Variants in ALPL observed in about 807,000 individuals in gnomAD.
The protein encoded by ALPL is alkaline phosphatase, biomineralization associated.
ALPL carries 42 observed loss-of-function variants against 51.3 expected under a neutral mutation model. That is an observed-to-expected ratio of 0.82 (90% confidence interval 0.64 to 1.06). ALPL has a LOEUF of 1.06. ALPL is among the 50% of genes least tolerant of loss of function. ALPL has a pLI of 0.00. For missense variants in ALPL, 589 were observed against 709.4 expected (o/e 0.83, Z 1.93); for synonymous variants, 279 against 296.4 (o/e 0.94, Z 0.60).
chr1:21,510,442 G>T (rs1205894278), intron 1 of ALPL, among the ~76,000 whole-genome samples: 1 of 152,202 alleles, frequency 6.6e-6, no homozygotes, highest in East Asian at 1.9e-4. Context: ...AAGTCAGACC[G>T]CTCAGGTGGG....
chr1:21,567,381 C>G (rs920094171), intron 6 of ALPL, among the ~76,000 whole-genome samples: 1 of 145,276 alleles, frequency 6.9e-6, no homozygotes, highest in Non-Finnish European at 1.5e-5. Flanking sequence ...GTCCGTCTGC[C>G]CGCACACACC....
chr1:21,568,910 C>T (rs905322693), intron 7 of ALPL, among the ~76,000 whole-genome samples: 4 of 152,176 alleles, frequency 2.6e-5, no homozygotes, highest in African/African-American at 9.7e-5. Flanking sequence ...GCCTCTGGCC[C>T]TTTAAATCTG....
chr1:21,560,230 A>G (rs1431420069), intron 2 of ALPL, among the ~76,000 whole-genome samples: 1 of 152,208 alleles, frequency 6.6e-6, no homozygotes. Flanking sequence ...TAGGTTAAAC[A>G]TTACTCTCTT....
intron 1 of ALPL, among the ~76,000 whole-genome samples, chr1:21,531,845 C>T (rs1644034562): frequency 6.6e-6 from 1 of 152,186 alleles, no homozygotes; most frequent in Non-Finnish European, 1.5e-5. Flanking sequence ...GTAATATTCT[C>T]TCCACCCTAA....
chr1:21,509,892 C>T lies in ALPL; in HGVS notation c.-105+375C>T, dbSNP rs1323987351. 6.6e-6 allele frequency among the ~76,000 whole-genome samples: 1 copy of T among 152,180 alleles called. No homozygotes were observed. The highest frequency in any genetic ancestry group is 1.5e-5 in the Non-Finnish European group (1 of 68,024). On this transcript the variant is annotated intron_variant, in intron 1 of 11. Coordinates refer to ENST00000374840, the MANE Select transcript of ALPL (RefSeq NM_000478.6). The surrounding 1 kb of genome is among the most constrained non-coding windows in gnomAD (Gnocchi z 6.0). ...TGCCCTTGGTGCCCCGTGACTGAGC[C>T]CCTCCTGGTGCCTCCTTAGCCGTAG...
rs1697405 is a variant in ALPL, at chr1:21,577,713, C to T, written c.*65C>T. Reference sequence around the variant, plus strand: ...CCAACTTCCCACACGGCAGCCCCCCCCTCAAGGGGCAGGGAGGTGGGGGCC... The same window carrying T: ...CCAACTTCCCACACGGCAGCCCCCCTCTCAAGGGGCAGGGAGGTGGGGGCC... On this transcript the variant is annotated 3_prime_UTR_variant, in exon 12 of 12. Transcript: ENST00000374840. The T allele has an allele frequency of 0.39, 600,152 of 1,545,704 alleles. 118,531 individuals carry two copies. Among genetic ancestry groups the T allele is most frequent in the Admixed American group, 0.43 (22,715 of 53,362 alleles).
At chr1:21,566,377 G>A (rs1367920553) in intron 6 of ALPL, among the ~76,000 whole-genome samples, 2 of 152,110 alleles carry the variant, frequency 1.3e-5, no homozygotes, top group East Asian at 1.9e-4. Flanking sequence ...TTCACCTCCC[G>A]GGTTCAAGCG....
chr1:21,553,167 A>C (rs143328290), intron 1 of ALPL, among the ~76,000 whole-genome samples: 106 of 151,932 alleles, frequency 7.0e-4, no homozygotes, highest in African/African-American at 2.3e-3. Flanking sequence ...TTTCCACCTA[A>C]ACTCTTCAAT....
intron 1 of ALPL, among the ~76,000 whole-genome samples, chr1:21,531,214 C>G (rs1644026120): frequency 6.6e-6 from 1 of 152,112 alleles, no homozygotes; most frequent in Non-Finnish European, 1.5e-5. Context: ...CCGCCTTGGC[C>G]TCCCAAAGTG....
intron 1 of ALPL, among the ~76,000 whole-genome samples, chr1:21,522,317 G>A (rs561868967): frequency 2.6e-5 from 4 of 152,012 alleles, no homozygotes; most frequent in Non-Finnish European, 4.4e-5. Flanking sequence ...TTCATGATCC[G>A]CCCGCCTTGG....
intron 9 of ALPL, 80 bp downstream of exon 9, chr1:21,573,879 G>T: frequency 6.2e-7 from 1 of 1,602,854 alleles, no homozygotes; most frequent in Non-Finnish European, 8.5e-7. Flanking sequence ...AGCTCTTAAA[G>T]GGAACTGACT....
At chr1:21,534,419 A>T (rs1644070642) in intron 1 of ALPL, among the ~76,000 whole-genome samples, 1 of 152,170 alleles carries the variant, frequency 6.6e-6, no homozygotes, top group African/African-American at 2.4e-5. Context: ...GGCTCATAAG[A>T]CCTGAGATAG....
chr1:21,535,578 G>A (rs1016532635), intron 1 of ALPL, among the ~76,000 whole-genome samples: 2 of 151,942 alleles, frequency 1.3e-5, no homozygotes, highest in Non-Finnish European at 2.9e-5. Flanking sequence ...TCGTGTCACT[G>A]CACTTCAGCC....
At chr1:21,550,781 C>T (rs1644310779) in intron 1 of ALPL, among the ~76,000 whole-genome samples, 1 of 152,178 alleles carries the variant, frequency 6.6e-6, no homozygotes, top group African/African-American at 2.4e-5. Flanking sequence ...CGGAATCACA[C>T]TGTAAGTGCT....
At chr1:21,558,772 T>G (rs1237680229) in intron 2 of ALPL, among the ~76,000 whole-genome samples, 1 of 151,810 alleles carries the variant, frequency 6.6e-6, no homozygotes. Context: ...GGGAGGGGCG[T>G]GGGGTGTGCT....
At chr1:21,574,993 G>C (rs1482603648) in intron 9 of ALPL, among the ~76,000 whole-genome samples, 1 of 152,246 alleles carries the variant, frequency 6.6e-6, no homozygotes, top group African/African-American at 2.4e-5. Context: ...AGAGCCCTCG[G>C]CTGCTGGGCC....
At chr1:21,533,465 T>G (rs999300823) in intron 1 of ALPL, among the ~76,000 whole-genome samples, 12 of 152,198 alleles carry the variant, frequency 7.9e-5, no homozygotes, top group African/African-American at 2.9e-4. Flanking sequence ...TCCACTGCAT[T>G]TTATCTGTAA....
At chr1:21,530,991 C>T (rs1417395181) in intron 1 of ALPL, among the ~76,000 whole-genome samples, 67 of 143,860 alleles carry the variant, frequency 4.7e-4, no homozygotes, top group Admixed American at 8.5e-4. Context: ...CAGAGTCTTG[C>T]TCTGTCACCC....
chr1:21,567,979 C>T (rs1644590492), intron 6 of ALPL, 125 bp from the exon 7 acceptor site: 1 of 1,311,960 alleles, frequency 7.6e-7, no homozygotes, highest in Non-Finnish European at 1.1e-6. Flanking sequence ...AGGCCTGGCT[C>T]ACCAGGCTGG....
Sources: allele counts gnomAD v4.1 joint callset (sites outside exome capture counted in the v4.1 genomes callset), GRCh38; gene constraint gnomAD v4.1.1; non-coding constraint Gnocchi (gnomAD v3.1); transcripts MANE v1.5; gene names NCBI Gene and HGNC (gene_info 2026-07-23, HGNC 2026-07-21).